MED13L: variants seen among roughly 807,000 people sequenced by gnomAD.
The protein encoded by MED13L is mediator complex subunit 13L, also known as mediator of RNA polymerase II transcription subunit 13-like.
Under a neutral mutation model 220.9 loss-of-function variants are expected in MED13L, and 7 were observed. The ratio of observed to expected loss-of-function variants is 0.03; its 90% CI spans 0.02 to 0.06. The LOEUF (loss-of-function observed/expected upper bound fraction) is 0.06. Ranked by LOEUF, MED13L falls within the 10% of genes least tolerant of loss-of-function variation. MED13L has a pLI of 1.00. For missense variants in MED13L, 1,965 were observed against 2,760.5 expected, an observed-to-expected ratio of 0.71 and a Z score of 6.46; for synonymous variants, 1,011 against 1,015.2, an observed-to-expected ratio of 1.00 and a Z score of 0.08.
chr12:116,166,584 TAATAAATA>T (rs1371414894), intron 2 of MED13L, among the ~76,000 whole-genome samples: 1 of 152,070 alleles, frequency 6.6e-6, no homozygotes. Flanking sequence ...ACTCTGTCAT[TAATAAATA>T]AATAAATAAA....
intron 2 of MED13L, among the ~76,000 whole-genome samples, chr12:116,175,495 G>A (rs1037696882): frequency 6.6e-5 from 10 of 152,056 alleles, no homozygotes; most frequent in African/African-American, 1.9e-4. Context: ...AAATTTAAAC[G>A]GCATGCTGAG....
chr12:116,272,131 T>G (rs540620044), intron 1 of MED13L, among the ~76,000 whole-genome samples: 3 of 152,340 alleles, frequency 2.0e-5, no homozygotes, highest in Non-Finnish European at 2.9e-5. Flanking sequence ...TTACATATTT[T>G]CATTGAGATG....
chr12:116,196,787 G>C (rs900650874), intron 2 of MED13L, among the ~76,000 whole-genome samples: 3 of 151,940 alleles, frequency 2.0e-5, no homozygotes, highest in African/African-American at 7.3e-5. Context: ...AGAATCTGAT[G>C]GTTTTATCTA....
chr12:116,132,996 T>C (rs1876211494), intron 2 of MED13L, among the ~76,000 whole-genome samples: 1 of 152,194 alleles, frequency 6.6e-6, no homozygotes, highest in Non-Finnish European at 1.5e-5. Context: ...ACGGTATCAC[T>C]TGCTGCACAG....
At chr12:116,091,224 T>C (rs1872181956) in intron 4 of MED13L, among the ~76,000 whole-genome samples, 1 of 151,716 alleles carries the variant, frequency 6.6e-6, no homozygotes. Flanking sequence ...GTATTTTCAA[T>C]CCTTCTTGAA....
intron 1 of MED13L, among the ~76,000 whole-genome samples, chr12:116,249,135 C>A (rs918198227): frequency 6.6e-6 from 1 of 152,186 alleles, no homozygotes; most frequent in Non-Finnish European, 1.5e-5. Flanking sequence ...CTACTGGGAG[C>A]TATCACTCCA....
At chr12:115,966,702 C>T (rs967468202) in intron 28 of MED13L, among the ~76,000 whole-genome samples, 5 of 152,194 alleles carry the variant, frequency 3.3e-5, no homozygotes, top group Admixed American at 2.6e-4. Context: ...AGTGCAAGAT[C>T]TGCTCACAGA....
At chr12:116,007,899 A>G (rs1879155184) in intron 10 of MED13L, 1 of 486,976 alleles carries the variant, frequency 2.1e-6, no homozygotes, top group Admixed American at 3.5e-5. Flanking sequence ...TACTAACTGC[A>G]TGGCCCTAGT....
intron 2 of MED13L, among the ~76,000 whole-genome samples, chr12:116,153,256 G>A (rs1430766106): frequency 6.6e-6 from 1 of 152,164 alleles, no homozygotes; most frequent in Non-Finnish European, 1.5e-5. Flanking sequence ...CTGAGGGGAG[G>A]GGAGTGTTTA....
intron 1 of MED13L, among the ~76,000 whole-genome samples, chr12:116,262,932 C>T (rs199545010): frequency 1.3e-5 from 2 of 152,298 alleles, no homozygotes; most frequent in East Asian, 3.9e-4. Flanking sequence ...TATTTGGGAT[C>T]ATGAAACCTG....
At chr12:116,230,498 T>C (rs968840382) in intron 2 of MED13L, 10 of 984,096 alleles carry the variant, frequency 1.0e-5, no homozygotes, top group Non-Finnish European at 1.2e-5. Context: ...CAAAATGGTA[T>C]CATTCATGTT....
intron 4 of MED13L, among the ~76,000 whole-genome samples, chr12:116,025,318 T>C (rs949179652): frequency 2.0e-5 from 3 of 152,160 alleles, no homozygotes; most frequent in African/African-American, 7.2e-5. Flanking sequence ...AAAAACAGTA[T>C]AAAGATTCCT....
intron 1 of MED13L, among the ~76,000 whole-genome samples, chr12:116,267,946 T>C (rs1872959873): frequency 6.6e-6 from 1 of 152,164 alleles, no homozygotes; most frequent in African/African-American, 2.4e-5. Context: ...CCACAGTACA[T>C]ACAGTCTAGA....
At position 116,176,364 on chromosome 12, in the gene MED13L, A is replaced by C. The variant is rs114757003; in HGVS notation, c.310+61104T>G. Reference sequence around the variant, plus strand: ...TGTAAAGTACATATAACAGTGTCTGACTTACACTAAGGCTCAATAAATATA... The same window carrying C: ...TGTAAAGTACATATAACAGTGTCTGCCTTACACTAAGGCTCAATAAATATA... On this transcript the variant is annotated intron_variant, in intron 2 of 30. Transcript: ENST00000281928. Among the ~76,000 whole-genome samples, 1,163 of 152,298 alleles carry C rather than the reference A, an allele frequency of 7.6e-3. 11 individuals are homozygous for C. Among genetic ancestry groups the C allele is most frequent in the African/African-American group, 0.027 (1,124 of 41,542 alleles).
At position 115,959,981 on chromosome 12, in the gene MED13L, CACACA is replaced by C. The variant is rs968323487; in HGVS notation, c.*1280_*1284del. ...CACACCCACTGTCCTCAGACAGAAA[CACACA>C]ACACAAGGGTTAGAAACAGGGTTTC... On this transcript the variant is annotated 3_prime_UTR_variant, in exon 31 of 31. Transcript: ENST00000281928. 26 of 152,662 alleles carry C rather than the reference CACACA, an allele frequency of 1.7e-4. No individual in the cohort carries two copies. The highest frequency in any genetic ancestry group is 6.3e-4 in the African/African-American group (26 of 41,534). The allele number at this position is 152,662 out of a possible 1,614,324, so 9.5% of individuals were successfully genotyped here.
chr12:116,112,002 G>C (rs1471435461), intron 2 of MED13L, among the ~76,000 whole-genome samples: 2 of 152,132 alleles, frequency 1.3e-5, no homozygotes, highest in African/African-American at 4.8e-5. Flanking sequence ...TAAAGGACAT[G>C]ATTTTAGAGA....
At chr12:115,981,682 A>G (rs1877339513) in intron 22 of MED13L, among the ~76,000 whole-genome samples, 1 of 152,250 alleles carries the variant, frequency 6.6e-6, no homozygotes, top group African/African-American at 2.4e-5. Context: ...GGCTTTATTT[A>G]TAACAGTAAA....
At chr12:116,150,006 A>T (rs1453107768) in intron 2 of MED13L, among the ~76,000 whole-genome samples, 1 of 152,222 alleles carries the variant, frequency 6.6e-6, no homozygotes, top group African/African-American at 2.4e-5. Flanking sequence ...TGAATGAATA[A>T]ATTCATTTCT....
Position 115,993,124 on chromosome 12 carries a change from G to A in MED13L, c.2997-1167C>T, listed in dbSNP as rs183286488. On this transcript the variant is annotated intron_variant, in intron 16 of 30. Transcript: ENST00000281928. ...TGACTTAAGGTATACAGAGGGATTTGTGTAAATTACAAGGAAATACTCTGC... is the reference window on the plus strand; with the variant it reads ...TGACTTAAGGTATACAGAGGGATTTATGTAAATTACAAGGAAATACTCTGC... 2.0e-3 allele frequency among the ~76,000 whole-genome samples: 303 copies of A among 152,254 alleles called. 3 individuals carry two copies. Among genetic ancestry groups the A allele is most frequent in the Middle Eastern group, 0.01 (3 of 294 alleles).
Sources: gnomAD v4.1 joint callset for allele counts (sites outside exome capture counted in the v4.1 genomes callset) on GRCh38, gnomAD v4.1.1 for gene constraint, MANE v1.5 for transcripts, NCBI Gene and HGNC (gene_info 2026-07-23, HGNC 2026-07-21) for gene names.